ERBB4: variants seen among roughly 807,000 people sequenced by gnomAD.
ERBB4 encodes the protein receptor tyrosine-protein kinase erbB-4.
Under a neutral mutation model 158.0 loss-of-function variants are expected in ERBB4, and 42 were observed. The ratio of observed to expected loss-of-function variants is 0.27; its 90% CI spans 0.21 to 0.34. The LOEUF is 0.34. Among genes scored for constraint, ERBB4 ranks in the 10% least tolerant of loss-of-function variants. The pLI, the probability that ERBB4 is intolerant of heterozygous loss-of-function variation, is 1.00. For synonymous variants in ERBB4, 583 were observed against 558.7 expected (o/e 1.04, Z -0.61); for missense variants, 1,333 against 1,624.1 (o/e 0.82, Z 3.08).
chr2:211,509,843 T>G (rs572169087), intron 20 of ERBB4, among the ~76,000 whole-genome samples: 1 of 151,902 alleles, frequency 6.6e-6, no homozygotes, highest in East Asian at 1.9e-4. Context: ...CATGAAAAAA[T>G]GACCAACATC....
intron 1 of ERBB4, among the ~76,000 whole-genome samples, chr2:212,403,897 A>G (rs751836605): frequency 2.6e-5 from 4 of 152,070 alleles, no homozygotes; most frequent in African/African-American, 4.8e-5. Context: ...TTTTAACTTG[A>G]GTTCTCTCTC....
chr2:211,508,547 CCA>C (rs2065806926), intron 20 of ERBB4, among the ~76,000 whole-genome samples: 3 of 152,234 alleles, frequency 2.0e-5, no homozygotes, highest in Non-Finnish European at 1.5e-5. Context: ...ATTAGTTCAA[CCA>C]CTGTGGAAGA....
At chr2:211,591,920 G>C (rs6747619) in intron 19 of ERBB4, among the ~76,000 whole-genome samples, 8,391 of 152,200 alleles carry the variant, frequency 0.055, 813 homozygotes, top group African/African-American at 0.19. Context: ...AGGTTGTGTT[G>C]TTGTACCTGA....
rs540031391 is a variant in ERBB4 at position 211,944,890 on chromosome 2, C to T, written c.421+2540G>A. Among the ~76,000 whole-genome samples the T allele has an allele frequency of 2.0e-5, 3 of 152,168 alleles. No individual in the cohort carries two copies. The South Asian group carries it at 6.2e-4, about 32-fold the overall frequency. ...TAAGAATGGAGTTAAAAATGTAATA[C>T]AGTATGGTAGATTAGGCAGTGAGGT... is the stretch of plus-strand genomic sequence containing the variant. On this transcript the variant is annotated intron_variant, in intron 3 of 27. Coordinates refer to ENST00000342788, the MANE Select transcript of ERBB4 (RefSeq NM_005235.3).
At chr2:212,409,170 G>C (rs143532348) in intron 1 of ERBB4, among the ~76,000 whole-genome samples, 2 of 152,190 alleles carry the variant, frequency 1.3e-5, no homozygotes, top group East Asian at 3.9e-4. Flanking sequence ...CTTGGACAGG[G>C]AACAGGTTAT....
chr2:211,731,194 A>G (rs1195804290), intron 5 of ERBB4, among the ~76,000 whole-genome samples: 1 of 152,182 alleles, frequency 6.6e-6, no homozygotes, highest in Non-Finnish European at 1.5e-5. Flanking sequence ...AGTGAAAAGT[A>G]TCTTGGGGCA....
chr2:212,047,899 G>A (rs370703075), intron 2 of ERBB4, among the ~76,000 whole-genome samples: 93 of 152,118 alleles, frequency 6.1e-4, no homozygotes, highest in African/African-American at 2.0e-3. Context: ...GTAAGCAAAC[G>A]TAAATAAATA....
At chr2:212,432,543 G>A (rs2092052276) in intron 1 of ERBB4, among the ~76,000 whole-genome samples, 1 of 151,994 alleles carries the variant, frequency 6.6e-6, no homozygotes, top group African/African-American at 2.4e-5. Context: ...CTTGACTTCT[G>A]TAAATATAGC....
At chr2:212,376,608 T>C (rs1025645821) in intron 1 of ERBB4, among the ~76,000 whole-genome samples, 5 of 152,052 alleles carry the variant, frequency 3.3e-5, no homozygotes, top group Admixed American at 3.3e-4. Context: ...CTTACAGTCC[T>C]GATCTGGCTC....
At chr2:212,312,948 A>C (rs913489332) in intron 1 of ERBB4, among the ~76,000 whole-genome samples, 2 of 150,906 alleles carry the variant, frequency 1.3e-5, no homozygotes, top group African/African-American at 4.8e-5. Flanking sequence ...AAGCCCTTAT[A>C]GTTTTAAATT....
chr2:211,917,815 A>T (rs771404707), intron 3 of ERBB4, among the ~76,000 whole-genome samples: 2 of 152,172 alleles, frequency 1.3e-5, no homozygotes, highest in Admixed American at 1.3e-4. Context: ...CTGAGCATTC[A>T]CTGAAGGGTT....
chr2:212,305,643 G>A (rs1188981414), intron 1 of ERBB4, among the ~76,000 whole-genome samples: 2 of 151,302 alleles, frequency 1.3e-5, no homozygotes, highest in East Asian at 3.9e-4. Context: ...AAACTGGAAT[G>A]TAAAATATTA....
chr2:212,015,118 T>A (rs2076497974), intron 2 of ERBB4, among the ~76,000 whole-genome samples: 1 of 117,812 alleles, frequency 8.5e-6, no homozygotes, highest in Non-Finnish European at 1.7e-5. Context: ...ATATAAAAAT[T>A]AGCCGGGCAT....
chr2:212,461,131 C>A (rs1574963432), intron 1 of ERBB4, among the ~76,000 whole-genome samples: 2 of 152,142 alleles, frequency 1.3e-5, no homozygotes, highest in Non-Finnish European at 2.9e-5. Context: ...GGGTGGGAAC[C>A]CCCCCTCCAC....
At chr2:211,831,891 G>A (rs778602058) in intron 3 of ERBB4, among the ~76,000 whole-genome samples, 6 of 147,984 alleles carry the variant, frequency 4.1e-5, no homozygotes, top group Non-Finnish European at 7.5e-5. Context: ...CAACAACAGC[G>A]AGACTCTGTC....
chr2:212,259,640 G>A (rs755544782), intron 1 of ERBB4, among the ~76,000 whole-genome samples: 1 of 151,774 alleles, frequency 6.6e-6, no homozygotes, highest in Non-Finnish European at 1.5e-5. Flanking sequence ...AAAAATAAAG[G>A]CAACGAATAT....
chr2:211,595,492 TAAAG>T, intron 19 of ERBB4, among the ~76,000 whole-genome samples: 1 of 152,126 alleles, frequency 6.6e-6, no homozygotes, highest in East Asian at 1.9e-4. Flanking sequence ...TAAATCCTGA[TAAAG>T]AAAGAGCAAA....
chr2:211,772,955 A>ATATATATATATATT (rs1553630145), intron 4 of ERBB4, among the ~76,000 whole-genome samples: 1 of 83,302 alleles, frequency 1.2e-5, no homozygotes, highest in East Asian at 4.1e-4. Context: ...ATATATATAT[A>ATATATATATATATT]TTTTTTTTTT....
At chr2:211,432,011 A>G (rs2063756545) in intron 20 of ERBB4, among the ~76,000 whole-genome samples, 1 of 152,196 alleles carries the variant, frequency 6.6e-6, no homozygotes, top group African/African-American at 2.4e-5. Context: ...TATGTTTAAC[A>G]AAAGAACTTA....
Sources: allele counts gnomAD v4.1 joint callset (sites outside exome capture counted in the v4.1 genomes callset), GRCh38; gene constraint gnomAD v4.1.1; transcripts MANE v1.5; gene names NCBI Gene and HGNC (gene_info 2026-07-23, HGNC 2026-07-21).